The following ARHGAP15 variants were observed in gnomAD, a reference collection of about 807,000 sequenced individuals.
ARHGAP15 encodes Rho GTPase activating protein 15, also known as rho GTPase-activating protein 15.
In ARHGAP15, 51 loss-of-function variants were observed where a neutral mutation model predicts 63.7. The observed-to-expected ratio is 0.80, with a 90% confidence interval of 0.64 to 1.01. The LOEUF (loss-of-function observed/expected upper bound fraction) is 1.01. ARHGAP15 is among the 50% of genes least tolerant of loss of function. The pLI is 0.00. For missense variants in ARHGAP15, 560 were observed against 564.6 expected, an observed-to-expected ratio of 0.99 and a Z score of 0.08; for synonymous variants, 191 against 193.8, an observed-to-expected ratio of 0.99 and a Z score of 0.12.
At chr2:143,416,812 T>TCCCGCCCCCCCCCCC (rs1688699816) in intron 6 of ARHGAP15, among the ~76,000 whole-genome samples, 1 of 69,310 alleles carries the variant, frequency 1.4e-5, no homozygotes, top group African/African-American at 4.9e-5. Flanking sequence ...GCCTGCCACT[T>TCCCGCCCCCCCCCCC]CCCCCACCAC....
At chr2:143,618,669 G>A (rs963752472) in intron 11 of ARHGAP15, among the ~76,000 whole-genome samples, 7 of 152,086 alleles carry the variant, frequency 4.6e-5, no homozygotes, top group East Asian at 1.9e-4. Flanking sequence ...TTCTTGACTT[G>A]GTTACTCTTC....
chr2:143,737,897 C>T (rs913051395), intron 13 of ARHGAP15, among the ~76,000 whole-genome samples: 2 of 152,094 alleles, frequency 1.3e-5, no homozygotes, highest in Non-Finnish European at 2.9e-5. Flanking sequence ...GCTGGAATTA[C>T]AGGCATGCGC....
At chr2:143,330,126 AAAAAACC>A (rs748402522) in intron 6 of ARHGAP15, among the ~76,000 whole-genome samples, 12 of 92,132 alleles carry the variant, frequency 1.3e-4, no homozygotes, top group Admixed American at 2.6e-4. Flanking sequence ...AAAAAAAAAA[AAAAAACC>A]AAAAACAAAA....
chr2:143,236,063 A>G, intron 5 of ARHGAP15: 2 of 1,420,816 alleles, frequency 1.4e-6, no homozygotes, highest in Non-Finnish European at 1.9e-6. Context: ...GAAGCTCTGC[A>G]ATTTAGAACA....
intron 12 of ARHGAP15, among the ~76,000 whole-genome samples, chr2:143,650,713 T>A (rs779843450): frequency 6.6e-6 from 1 of 151,992 alleles, no homozygotes; most frequent in Non-Finnish European, 1.5e-5. Flanking sequence ...TGCTGGGGTT[T>A]CTGTGGTACG....
chr2:143,505,075 A>C (rs990316576), intron 9 of ARHGAP15, among the ~76,000 whole-genome samples: 2 of 152,194 alleles, frequency 1.3e-5, no homozygotes, highest in Admixed American at 1.3e-4. Flanking sequence ...TCCTCAACAG[A>C]AATTACACCT....
At chr2:143,529,989 G>A (rs1031624305) in intron 10 of ARHGAP15, among the ~76,000 whole-genome samples, 4 of 152,026 alleles carry the variant, frequency 2.6e-5, no homozygotes, top group Non-Finnish European at 5.9e-5. Flanking sequence ...CACTATACCT[G>A]GCATATGATA....
At chr2:143,377,867 CT>C (rs898355880) in intron 6 of ARHGAP15, among the ~76,000 whole-genome samples, 2 of 152,006 alleles carry the variant, frequency 1.3e-5, no homozygotes, top group African/African-American at 2.4e-5. Context: ...TATAAATAGG[CT>C]TTTTTTATAT....
chr2:143,537,791 G>A (rs566460588), intron 10 of ARHGAP15, among the ~76,000 whole-genome samples: 2,115 of 152,108 alleles, frequency 0.014, 51 homozygotes, highest in African/African-American at 0.049. Flanking sequence ...GCCTTGTAGT[G>A]TAGTTTGAAG....
intron 12 of ARHGAP15, among the ~76,000 whole-genome samples, chr2:143,702,789 T>C (rs1332263027): frequency 2.0e-5 from 3 of 152,090 alleles, no homozygotes; most frequent in East Asian, 1.9e-4. Flanking sequence ...TCTTTTCTGC[T>C]CCCGTTGTCA....
At chr2:143,650,871 T>C (rs1681126745) in intron 12 of ARHGAP15, among the ~76,000 whole-genome samples, 1 of 151,942 alleles carries the variant, frequency 6.6e-6, no homozygotes, top group East Asian at 1.9e-4. Context: ...AGAGTGTGAT[T>C]ACATAGCACT....
At position 143,624,121 on chromosome 2, in the gene ARHGAP15, G is replaced by A. The variant is rs779386857; in HGVS notation, c.1004-12G>A. The A allele has an allele frequency of 5.0e-6, 8 of 1,611,486 alleles. No homozygotes were observed. The Admixed American group carries it at 1.0e-4, about 20-fold the overall frequency. ...AAAACCAGTTGTTCCATTTCTCCTC[G>A]TGTTTTCCCAGAAGAGAAGCTGAAT... On this transcript the variant is annotated splice_polypyrimidine_tract_variant and intron_variant, in intron 11 of 13. Coordinates refer to ENST00000295095, the MANE Select transcript of ARHGAP15 (RefSeq NM_018460.4).
chr2:143,464,106 C>T (rs778650733), intron 8 of ARHGAP15, among the ~76,000 whole-genome samples: 5 of 152,140 alleles, frequency 3.3e-5, no homozygotes, highest in Non-Finnish European at 5.9e-5. Flanking sequence ...TAATAGTTGG[C>T]ATGTCTATAA....
chr2:143,302,928 G>T (rs965846187), intron 6 of ARHGAP15, among the ~76,000 whole-genome samples: 1 of 151,936 alleles, frequency 6.6e-6, no homozygotes, highest in African/African-American at 2.4e-5. Flanking sequence ...AAATTACAAG[G>T]TATATATGCA....
At chr2:143,374,034 C>A (rs1286497794) in intron 6 of ARHGAP15, among the ~76,000 whole-genome samples, 1 of 152,098 alleles carries the variant, frequency 6.6e-6, no homozygotes, top group Non-Finnish European at 1.5e-5. Flanking sequence ...CAACAAATCC[C>A]AAATATTGTG....
intron 6 of ARHGAP15, among the ~76,000 whole-genome samples, chr2:143,318,608 T>G (rs913917475): frequency 2.1e-5 from 3 of 140,596 alleles, no homozygotes; most frequent in African/African-American, 7.8e-5. Flanking sequence ...GGTGGTAAAC[T>G]GCTTACAGGC....
chr2:143,483,209 A>G (rs1692155620), intron 8 of ARHGAP15, among the ~76,000 whole-genome samples: 1 of 152,232 alleles, frequency 6.6e-6, no homozygotes, highest in East Asian at 1.9e-4. Flanking sequence ...TATGATATAC[A>G]TATATATCTC....
At chr2:143,546,900 T>G (rs1352370761) in intron 10 of ARHGAP15, among the ~76,000 whole-genome samples, 1 of 152,108 alleles carries the variant, frequency 6.6e-6, no homozygotes, top group Non-Finnish European at 1.5e-5. Flanking sequence ...TGACCAAAAT[T>G]TGTCTTCAAG....
intron 11 of ARHGAP15, chr2:143,587,607 C>A (rs1260560923): frequency 2.5e-5 from 10 of 408,068 alleles, no homozygotes; most frequent in South Asian, 1.5e-4. Context: ...TTCCTGAATA[C>A]CCCTTGCTTT....
Sources: gnomAD v4.1 joint callset for allele counts (sites outside exome capture counted in the v4.1 genomes callset) on GRCh38, gnomAD v4.1.1 for gene constraint, MANE v1.5 for transcripts, NCBI Gene and HGNC (gene_info 2026-07-23, HGNC 2026-07-21) for gene names.